Variants in ABHD2 observed in about 807,000 individuals in gnomAD.
ABHD2 encodes monoacylglycerol lipase ABHD2.
ABHD2 carries 20 observed loss-of-function variants against 48.1 expected under a neutral mutation model. The ratio of observed to expected loss-of-function variants is 0.42; its 90% CI spans 0.29 to 0.60. The LOEUF is 0.60. Ranked by LOEUF, ABHD2 falls within the 20% of genes least tolerant of loss-of-function variation. The pLI is 0.24. For synonymous variants in ABHD2, 209 were observed against 214.2 expected, an observed-to-expected ratio of 0.98 and a Z score of 0.21; for missense variants, 405 against 550.9, an observed-to-expected ratio of 0.74 and a Z score of 2.65.
chr15:89,074,274 G>A, the ABHD2 span, among the ~76,000 whole-genome samples: 2 of 152,078 alleles, frequency 1.3e-5, no homozygotes, highest in East Asian at 3.9e-4. Context: ...TACTCCGGAG[G>A]CTGAGGCAGA....
chr15:89,154,039 G>A (rs2150892185), intron 4 of ABHD2, among the ~76,000 whole-genome samples: 2 of 152,204 alleles, frequency 1.3e-5, no homozygotes, highest in Middle Eastern at 3.4e-3. Context: ...GAAAATTTTA[G>A]GCAGGATTTC....
intron 1 of ABHD2, among the ~76,000 whole-genome samples, chr15:89,095,301 C>T (rs1231557095): frequency 6.6e-6 from 1 of 152,176 alleles, no homozygotes; most frequent in Non-Finnish European, 1.5e-5. Flanking sequence ...GAAATCAGGC[C>T]ATTGATTTAG....
At chr15:89,072,436 A>G in the ABHD2 span, among the ~76,000 whole-genome samples, 29,229 of 151,100 alleles carry the variant, frequency 0.19, 3,435 homozygotes, top group East Asian at 0.35. Context: ...AGATTGTGCC[A>G]CTGCTCTCCA....
rs903743146 is a variant in ABHD2, at chr15:89,123,642, G to C, written c.194+7121G>C. On this transcript the variant is annotated intron_variant, in intron 3 of 10. Coordinates refer to ENST00000352732, the MANE Select transcript of ABHD2 (RefSeq NM_152924.5). ...AGACAATGTCTCACTCTATTACCCA[G>C]GTTGGAGTACAATGGCACAATCATG... Among the ~76,000 whole-genome samples, 19 of 120,990 alleles carry C rather than the reference G, an allele frequency of 1.6e-4. 1 individual carries two copies. The highest frequency in any genetic ancestry group is 1.4e-3 in the Admixed American group (13 of 9,258). The allele number at this position is 120,990 out of a possible 152,430, so 79.4% of individuals were successfully genotyped here.
At chr15:89,072,784 G>T in the ABHD2 span, among the ~76,000 whole-genome samples, 2 of 152,104 alleles carry the variant, frequency 1.3e-5, no homozygotes, top group East Asian at 1.9e-4. Context: ...CCTCAATATG[G>T]TTATGCCAAG....
intron 7 of ABHD2, among the ~76,000 whole-genome samples, chr15:89,187,163 C>G (rs916539609): frequency 3.3e-5 from 5 of 152,210 alleles, no homozygotes; most frequent in Non-Finnish European, 7.4e-5. Context: ...TTCCACACCT[C>G]TGGTGTCAAA....
chr15:89,084,823 A>G (rs1271616330), upstream of ABHD2, among the ~76,000 whole-genome samples: 2 of 152,146 alleles, frequency 1.3e-5, no homozygotes, highest in Admixed American at 6.5e-5. The surrounding 1 kb of genome is among the most constrained non-coding windows in gnomAD (Gnocchi z 4.4). Flanking sequence ...CTGCCACTCA[A>G]AGGACCCCAT....
At chr15:89,118,475 A>AT (rs2049997098) in intron 3 of ABHD2, among the ~76,000 whole-genome samples, 1 of 152,120 alleles carries the variant, frequency 6.6e-6, no homozygotes, top group South Asian at 2.1e-4. Flanking sequence ...CTCGGCCTGA[A>AT]TTTTTTTTAA....
At chr15:89,143,395 C>T (rs752690056) in intron 3 of ABHD2, among the ~76,000 whole-genome samples, 15 of 152,158 alleles carry the variant, frequency 9.9e-5, no homozygotes, top group African/African-American at 3.1e-4. Context: ...TGGCCAAGTG[C>T]GGTGGCTCAC....
rs74032725 is a variant in ABHD2 at position 89,114,134 on chromosome 15, A to G, written c.-7+310A>G. 8.8e-3 allele frequency among the ~76,000 whole-genome samples: 1,342 copies of G among 152,328 alleles called. 22 individuals carry two copies. The highest frequency in any genetic ancestry group is 0.024 in the African/African-American group (998 of 41,578). On this transcript the variant is annotated intron_variant, in intron 2 of 10. Coordinates refer to ENST00000352732, the MANE Select transcript of ABHD2 (RefSeq NM_152924.5). The surrounding 1 kb of genome is among the most constrained non-coding windows in gnomAD (Gnocchi z 4.2). ...ATTAACAAGCTGCATCATCTTGGAC[A>G]TTTGTTTAGCCTTTGTTTGGCATCC...
intron 1 of ABHD2, among the ~76,000 whole-genome samples, chr15:89,101,105 T>A (rs2049694306): frequency 6.6e-6 from 1 of 152,228 alleles, no homozygotes; most frequent in Non-Finnish European, 1.5e-5. Flanking sequence ...TTCCATCTAC[T>A]TTCTATTTGC....
the ABHD2 span, among the ~76,000 whole-genome samples, chr15:89,042,345 C>A: frequency 3.3e-5 from 5 of 152,174 alleles, no homozygotes; most frequent in African/African-American, 2.4e-5. Flanking sequence ...CCTCAAACAT[C>A]TTTTTACCAG....
intron 9 of ABHD2, 43 bp downstream of exon 9, chr15:89,191,192 A>C (rs748578439): frequency 1.3e-6 from 2 of 1,596,340 alleles, no homozygotes; most frequent in Non-Finnish European, 1.7e-6. Context: ...CACTCCACCC[A>C]GCCTCGCACA....
intron 5 of ABHD2, among the ~76,000 whole-genome samples, chr15:89,169,412 A>C (rs1279737844): frequency 6.6e-6 from 1 of 152,238 alleles, no homozygotes; most frequent in Non-Finnish European, 1.5e-5. Context: ...CCATTCATTT[A>C]GGTAACACTG....
At chr15:89,058,675 A>G in the ABHD2 span, among the ~76,000 whole-genome samples, 4 of 152,154 alleles carry the variant, frequency 2.6e-5, no homozygotes, top group Non-Finnish European at 5.9e-5. Flanking sequence ...GGGTTGTGAC[A>G]GGCCAAGTCC....
At chr15:89,043,658 GGA>G in the ABHD2 span, among the ~76,000 whole-genome samples, 1 of 137,094 alleles carries the variant, frequency 7.3e-6, no homozygotes. Flanking sequence ...AGAAGGAGGA[GGA>G]GGAGAGGGAG....
At chr15:89,065,179 T>C in the ABHD2 span, among the ~76,000 whole-genome samples, 1 of 152,164 alleles carries the variant, frequency 6.6e-6, no homozygotes, top group South Asian at 2.1e-4. Context: ...TCCTCCATCA[T>C]TGGTGTGATT....
the ABHD2 span, among the ~76,000 whole-genome samples, chr15:89,052,597 G>C: frequency 6.7e-6 from 1 of 149,960 alleles, no homozygotes; most frequent in African/African-American, 2.5e-5. Context: ...CACACAAGGA[G>C]AAAGCCATGT....
chr15:89,184,943 A>C lies in ABHD2; in HGVS notation c.723-481A>C, dbSNP rs2150943434. On this transcript the variant is annotated intron_variant, in intron 6 of 10. Transcript: ENST00000352732. The surrounding 1 kb of genome is among the most constrained non-coding windows in gnomAD (Gnocchi z 5.1). ...GATGTATTTGGAGGAGATCCCAGTT[A>C]ATGATTTTCCTTTACCTCTTGATCA... is the stretch of plus-strand genomic sequence containing the variant. 2.6e-5 allele frequency among the ~76,000 whole-genome samples: 4 copies of C among 152,330 alleles called. No individual in the cohort carries two copies. The South Asian group carries it at 8.3e-4, about 32-fold the overall frequency.
Sources: allele counts gnomAD v4.1 joint callset (sites outside exome capture counted in the v4.1 genomes callset), GRCh38; gene constraint gnomAD v4.1.1; non-coding constraint Gnocchi (gnomAD v3.1); transcripts MANE v1.5; gene names NCBI Gene and HGNC (gene_info 2026-07-23, HGNC 2026-07-21).